The following ARPP21 variants were observed in gnomAD, a reference collection of about 807,000 sequenced individuals.
The protein encoded by ARPP21 is cAMP regulated phosphoprotein 21.
Under a neutral mutation model 113.2 loss-of-function variants are expected in ARPP21, and 69 were observed. The ratio of observed to expected loss-of-function variants is 0.61; its 90% CI spans 0.50 to 0.74. The LOEUF (loss-of-function observed/expected upper bound fraction) is 0.74, where lower values mean the gene tolerates loss of function less well. Among genes scored for constraint, ARPP21 ranks in the 30% least tolerant of loss-of-function variants. The probability of loss-of-function intolerance (pLI) is 0.00; values close to 1 mark genes in which losing one functional copy is unlikely to be tolerated. For missense variants in ARPP21, 1,070 were observed against 1,037.4 expected, an observed-to-expected ratio of 1.03 and a Z score of -0.43; for synonymous variants, 368 against 375.5, an observed-to-expected ratio of 0.98 and a Z score of 0.23.
Position 35,681,718 on chromosome 3 carries a change from T to TA in ARPP21, c.-30dup. The TA allele has an allele frequency of 4.4e-6, 7 of 1,588,546 alleles. No homozygotes were observed. Among genetic ancestry groups the TA allele is most frequent in the Non-Finnish European group, 6.0e-6 (7 of 1,159,882 alleles). On this transcript the variant is annotated 5_prime_UTR_variant, in exon 3 of 21. The change abolishes the stop of an existing upstream ORF in the 5' untranslated region. Transcript: ENST00000684406. The stretch of plus-strand genomic sequence containing the variant: ...TCTGATATCTTAACCTTCTAGGGCA[T>TA]AAAATCTTGTTATTTTAATTTGCAT...
chr3:35,721,385 G>GT (rs1439566801), intron 13 of ARPP21, among the ~76,000 whole-genome samples: 1 of 152,030 alleles, frequency 6.6e-6, no homozygotes, highest in Non-Finnish European at 1.5e-5. Context: ...TCTAGGTTTG[G>GT]TTTTTCTGTT....
chr3:35,770,767 C>A (rs1299695702), intron 19 of ARPP21, among the ~76,000 whole-genome samples: 2 of 152,184 alleles, frequency 1.3e-5, no homozygotes, highest in African/African-American at 4.8e-5. Flanking sequence ...TGCCACAATT[C>A]TTTATGCCCT....
chr3:35,684,715 C>T (rs538790588), intron 5 of ARPP21: 1 of 983,890 alleles, frequency 1.0e-6, no homozygotes, highest in Non-Finnish European at 1.2e-6. Context: ...ACTCTGAATT[C>T]CCCTCATGGA....
At chr3:35,696,946 A>G (rs962948185) in intron 9 of ARPP21, among the ~76,000 whole-genome samples, 7 of 151,662 alleles carry the variant, frequency 4.6e-5, no homozygotes, top group African/African-American at 1.7e-4. Flanking sequence ...CCTGTTAGAT[A>G]TATTTTTAAC....
intron 18 of ARPP21, among the ~76,000 whole-genome samples, chr3:35,740,667 C>T (rs939896808): frequency 6.6e-6 from 1 of 152,154 alleles, no homozygotes; most frequent in Non-Finnish European, 1.5e-5. Context: ...AAATTAATAA[C>T]TTCAAGCTTA....
intron 19 of ARPP21, among the ~76,000 whole-genome samples, chr3:35,776,864 TC>T (rs750631371): frequency 1.3e-5 from 2 of 152,100 alleles, no homozygotes; most frequent in Non-Finnish European, 2.9e-5. Context: ...TGCCTGGATA[TC>T]TGCTTCCCAG....
At chr3:35,778,066 G>A (rs79476328) in intron 19 of ARPP21, among the ~76,000 whole-genome samples, 40 of 152,196 alleles carry the variant, frequency 2.6e-4, no homozygotes, top group African/African-American at 9.4e-4. Context: ...TGTTAAAAAG[G>A]GTAATTTCTG....
intron 19 of ARPP21, among the ~76,000 whole-genome samples, chr3:35,782,550 A>C (rs1219284783): frequency 2.6e-5 from 4 of 152,058 alleles, no homozygotes; most frequent in Non-Finnish European, 5.9e-5. Flanking sequence ...TGCTGGATCA[A>C]ATAAAGTAAA....
intron 1 of ARPP21, among the ~76,000 whole-genome samples, chr3:35,645,956 G>T (rs1700057171): frequency 6.6e-6 from 1 of 151,928 alleles, no homozygotes; most frequent in Non-Finnish European, 1.5e-5. Context: ...CATCTTTAAA[G>T]AACAAAATTG....
chr3:35,733,346 A>G (rs2094127447), intron 15 of ARPP21, among the ~76,000 whole-genome samples: 1 of 152,154 alleles, frequency 6.6e-6, no homozygotes, highest in African/African-American at 2.4e-5. Flanking sequence ...AATGTCATAT[A>G]TTGGAGAGAA....
At chr3:35,697,366 T>C (rs1256567080) in intron 9 of ARPP21, among the ~76,000 whole-genome samples, 1 of 151,590 alleles carries the variant, frequency 6.6e-6, no homozygotes, top group African/African-American at 2.4e-5. Flanking sequence ...ACATATCCAG[T>C]GATCCTGAGA....
At chr3:35,787,321 A>G (rs2096653751) in intron 19 of ARPP21, among the ~76,000 whole-genome samples, 1 of 152,232 alleles carries the variant, frequency 6.6e-6, no homozygotes, top group African/African-American at 2.4e-5. Flanking sequence ...TTGATCTTAT[A>G]TTTAAGCAGA....
chr3:35,700,778 A>G (rs1232987879), intron 9 of ARPP21, among the ~76,000 whole-genome samples: 10 of 151,744 alleles, frequency 6.6e-5, no homozygotes, highest in Non-Finnish European at 1.5e-4. Context: ...TTAACACTAG[A>G]TTATTTGTTT....
rs150461346 is a variant in ARPP21 at position 35,678,527 on chromosome 3, G to T, written c.-212-1260G>T. On this transcript the variant is annotated intron_variant, in intron 1 of 20. Transcript: ENST00000684406. ...CAATCCACTTTTTTCCTAAATGCAT[G>T]TCTAGCTCTCAAAAGCCATATAATT... is the stretch of plus-strand genomic sequence containing the variant. Among the ~76,000 whole-genome samples, 79 of 151,990 alleles carry T rather than the reference G, an allele frequency of 5.2e-4. No homozygotes were observed. In the East Asian group the frequency reaches 0.014, roughly 28 times the overall value.
intron 15 of ARPP21, among the ~76,000 whole-genome samples, chr3:35,730,716 C>A (rs1344089908): frequency 6.6e-6 from 1 of 152,214 alleles, no homozygotes; most frequent in Non-Finnish European, 1.5e-5. Context: ...CTGACTCAAT[C>A]TTCTCACAAA....
intron 6 of ARPP21, among the ~76,000 whole-genome samples, chr3:35,688,344 C>T (rs2081218101): frequency 6.6e-6 from 1 of 151,538 alleles, no homozygotes; most frequent in Non-Finnish European, 1.5e-5. Flanking sequence ...CAACGGAATA[C>T]ATGATTCACA....
intron 8 of ARPP21, 59 bp downstream of exon 8, chr3:35,690,199 T>A: frequency 1.2e-6 from 1 of 832,640 alleles, no homozygotes; most frequent in Non-Finnish European, 2.1e-6. Context: ...GTATTGGAGT[T>A]AAATTGTCCA....
intron 19 of ARPP21, among the ~76,000 whole-genome samples, chr3:35,753,880 AAC>A (rs1482112968): frequency 1.3e-5 from 2 of 151,964 alleles, no homozygotes; most frequent in Admixed American, 6.6e-5. Flanking sequence ...AAATTTATTT[AAC>A]CAAAGCAGTT....
intron 9 of ARPP21, among the ~76,000 whole-genome samples, chr3:35,704,553 T>C (rs1377693990): frequency 6.6e-6 from 1 of 151,972 alleles, no homozygotes; most frequent in East Asian, 1.9e-4. Context: ...GTAACATGTT[T>C]AATTTTGGTC....
Sources: allele counts gnomAD v4.1 joint callset (sites outside exome capture counted in the v4.1 genomes callset), GRCh38; gene constraint gnomAD v4.1.1; transcripts MANE v1.5; gene names NCBI Gene and HGNC (gene_info 2026-07-23, HGNC 2026-07-21).